AQP11: variants seen among roughly 807,000 people sequenced by gnomAD.
AQP11 encodes the protein aquaporin-11.
In AQP11, 20 loss-of-function variants were observed where a neutral mutation model predicts 21.1. The observed-to-expected ratio is 0.95, with a 90% confidence interval of 0.67 to 1.38. The LOEUF is 1.38. AQP11 is among the 40% of genes most tolerant of loss of function. The probability of loss-of-function intolerance (pLI) is 0.00; values close to 1 mark genes in which losing one functional copy is unlikely to be tolerated. For synonymous variants in AQP11, 167 were observed against 150.1 expected, an observed-to-expected ratio of 1.11 and a Z score of -0.82; for missense variants, 339 against 340.4, an observed-to-expected ratio of 1.00 and a Z score of 0.03.
chr11:77,596,537 A>ATATATATATAT (rs1958782852), intron 1 of AQP11, among the ~76,000 whole-genome samples: 4 of 86,570 alleles, frequency 4.6e-5, no homozygotes, highest in African/African-American at 8.9e-5. Context: ...TATATATGTA[A>ATATATATATAT]ATATATATAT....
chr11:77,590,088 CG>C lies in AQP11; in HGVS notation c.97del (p.Val33Ter). The C allele has an allele frequency of 6.2e-7, 1 of 1,607,332 alleles. No individual in the cohort carries two copies. Among genetic ancestry groups the C allele is most frequent in the Non-Finnish European group, 8.5e-7 (1 of 1,179,448 alleles). ...SVVLLMGLAR[V>X]VARQQLHRPV... Reference sequence around the variant, plus strand: ...TGGTGCTGCTCATGGGGCTGGCCCGCGTAGTCGCCCGGCAGCAGCTGCACAG... The same window carrying C: ...TGGTGCTGCTCATGGGGCTGGCCCGCTAGTCGCCCGGCAGCAGCTGCACAG... On this transcript the variant is annotated frameshift_variant, in exon 1 of 3. Transcript: ENST00000313578. LOFTEE classifies it high-confidence loss of function.
intron 1 of AQP11, among the ~76,000 whole-genome samples, chr11:77,599,141 A>G (rs1364304426): frequency 6.6e-6 from 1 of 151,768 alleles, no homozygotes; most frequent in Non-Finnish European, 1.5e-5. Context: ...TCAGCCTCCC[A>G]AAGTGCTGGG....
At chr11:77,602,915 C>A (rs2135749745) in intron 1 of AQP11, among the ~76,000 whole-genome samples, 1 of 152,322 alleles carries the variant, frequency 6.6e-6, no homozygotes, top group Middle Eastern at 3.4e-3. Flanking sequence ...CATCCAGCCT[C>A]CTCTTCCATT....
chr11:77,590,920 C>CTTATTAACTGCCTCTT (rs1376031985), intron 1 of AQP11: 1 of 985,292 alleles, frequency 1.0e-6, no homozygotes, highest in East Asian at 1.1e-4. Flanking sequence ...GGAAAGATAA[C>CTTATTAACTGCCTCTT]TTATTAACTG....
intron 1 of AQP11, among the ~76,000 whole-genome samples, chr11:77,595,767 C>CA (rs1958774832): frequency 6.6e-6 from 1 of 151,560 alleles, no homozygotes; most frequent in South Asian, 2.1e-4. Flanking sequence ...ACTAAAAATA[C>CA]AAAATTAGCT....
chr11:77,594,730 G>A lies in AQP11; in HGVS notation c.619+4119G>A, dbSNP rs1394190745. 3.9e-5 allele frequency among the ~76,000 whole-genome samples: 6 copies of A among 152,244 alleles called. No individual in the cohort carries two copies. In the South Asian group the frequency reaches 1.2e-3, roughly 32 times the overall value. On this transcript the variant is annotated intron_variant, in intron 1 of 2. Transcript: ENST00000313578. ...ATAACTTATGTATTTTAGGATTACA[G>A]AACATAAGCATCCAGCAACATAGCC...
At chr11:77,602,037 G>C (rs1473956258) in intron 1 of AQP11, among the ~76,000 whole-genome samples, 1 of 152,242 alleles carries the variant, frequency 6.6e-6, no homozygotes, top group Non-Finnish European at 1.5e-5. Flanking sequence ...ATTTTTAAGA[G>C]AGGGAAAGTA....
At chr11:77,607,268 TG>T (rs1958851921) in intron 2 of AQP11, among the ~76,000 whole-genome samples, 4 of 151,918 alleles carry the variant, frequency 2.6e-5, no homozygotes, top group Non-Finnish European at 5.9e-5. Context: ...CTGAAAAGAA[TG>T]GGAAAAAATA....
Position 77,609,407 on chromosome 11 carries a change from G to T in AQP11, c.*30G>T. On this transcript the variant is annotated 3_prime_UTR_variant, in exon 3 of 3. Coordinates refer to ENST00000313578, the MANE Select transcript of AQP11 (RefSeq NM_173039.3). ...TCCAAAGACTCAGACTAACATACAG[G>T]ACAGTCCAGCTGGATGTGATAAAGA... 6.5e-7 allele frequency: 1 copy of T among 1,548,222 alleles called. No homozygotes were observed. The highest frequency in any genetic ancestry group is 1.1e-5 in the South Asian group (1 of 87,118).
At chr11:77,597,216 G>A (rs1047728770) in intron 1 of AQP11, among the ~76,000 whole-genome samples, 4 of 152,178 alleles carry the variant, frequency 2.6e-5, no homozygotes, top group African/African-American at 4.8e-5. Context: ...ATCCCTAGGT[G>A]TTCCCCACAA....
chr11:77,602,385 A>G lies in AQP11; in HGVS notation c.620-1171A>G, dbSNP rs148987980. ...ATGGTATCTAGTACACAGGAACTCA[A>G]TAAGTTTTTGTGTAATCAAACTGAA... On this transcript the variant is annotated intron_variant, in intron 1 of 2. Transcript: ENST00000313578. Among the ~76,000 whole-genome samples the G allele has an allele frequency of 4.2e-3, 632 of 152,204 alleles. 7 individuals carry two copies. Among genetic ancestry groups the G allele is most frequent in the African/African-American group, 0.015 (604 of 41,566 alleles).
At chr11:77,590,683 A>C in intron 1 of AQP11, 72 bp downstream of exon 1, 2 of 1,525,532 alleles carry the variant, frequency 1.3e-6, no homozygotes, top group East Asian at 4.5e-5. Flanking sequence ...TCTTTACTAA[A>C]ATACATTTGA....
intron 1 of AQP11, among the ~76,000 whole-genome samples, chr11:77,600,485 C>T (rs1269967871): frequency 3.3e-5 from 5 of 151,918 alleles, no homozygotes; most frequent in African/African-American, 1.2e-4. Context: ...GAAGAAAGGG[C>T]AAGACACAGT....
Position 77,609,572 on chromosome 11 carries a change from G to A in AQP11, c.*195G>A. The A allele has an allele frequency of 2.4e-6, 1 of 414,146 alleles. No homozygotes were observed. The highest frequency in any genetic ancestry group is 8.3e-5 in the South Asian group (1 of 12,080). The allele number at this position is 414,146 out of a possible 1,614,324, so 25.7% of individuals were successfully genotyped here. On this transcript the variant is annotated 3_prime_UTR_variant, in exon 3 of 3. Transcript: ENST00000313578. ...AAAATGAGGTATTCTGTACTTCTCA[G>A]TTAAGACTTGTTCTTTGAGTGATGT...
intron 1 of AQP11, among the ~76,000 whole-genome samples, chr11:77,591,914 C>T (rs921386231): frequency 6.6e-6 from 1 of 151,920 alleles, no homozygotes; most frequent in Admixed American, 6.6e-5. Flanking sequence ...ATCAATTTCC[C>T]CTTCTTTAGG....
intron 1 of AQP11, chr11:77,591,461 A>G: frequency 2.3e-6 from 1 of 442,358 alleles, no homozygotes; most frequent in Non-Finnish European, 3.0e-6. Context: ...AGGCAGAAAT[A>G]ACAACAAAGG....
intron 1 of AQP11, among the ~76,000 whole-genome samples, chr11:77,594,174 C>G (rs1487156646): frequency 6.6e-6 from 1 of 152,144 alleles, no homozygotes; most frequent in African/African-American, 2.4e-5. Context: ...ACACCAATGA[C>G]TTATACACTT....
rs77034264 is a variant in AQP11, at chr11:77,592,521, T to A, written c.619+1910T>A. 7.9e-3 allele frequency among the ~76,000 whole-genome samples: 1,208 copies of A among 152,354 alleles called. 18 individuals are homozygous for A. The highest frequency in any genetic ancestry group is 0.028 in the African/African-American group (1,177 of 41,596). On this transcript the variant is annotated intron_variant, in intron 1 of 2. Transcript: ENST00000313578. Reference sequence around the variant, plus strand: ...CATTAACTACAGTTGGATTTTTCAATACCTATGTTCCTCTTCCCTCTCTTG... The same window carrying A: ...CATTAACTACAGTTGGATTTTTCAAAACCTATGTTCCTCTTCCCTCTCTTG...
chr11:77,603,091 A>G (rs1958824802), intron 1 of AQP11, among the ~76,000 whole-genome samples: 1 of 152,246 alleles, frequency 6.6e-6, no homozygotes, highest in South Asian at 2.1e-4. Context: ...ACAAGTAAAA[A>G]TAGAACCAAT....
Sources: gnomAD v4.1 joint callset for allele counts (sites outside exome capture counted in the v4.1 genomes callset) on GRCh38, gnomAD v4.1.1 for gene constraint, MANE v1.5 for transcripts, NCBI Gene and HGNC (gene_info 2026-07-23, HGNC 2026-07-21) for gene names.